Variants in CSMD1 observed in about 807,000 individuals in gnomAD.
The protein encoded by CSMD1 is CUB and Sushi multiple domains 1.
Under a neutral mutation model 417.5 loss-of-function variants are expected in CSMD1, and 213 were observed. That is an observed-to-expected ratio of 0.51 (90% CI 0.46 to 0.57). CSMD1 has a LOEUF of 0.57. Among genes scored for constraint, CSMD1 ranks in the 20% least tolerant of loss-of-function variants. The pLI is 0.00. For missense variants in CSMD1, 6,923 were observed against 4,529.7 expected, an observed-to-expected ratio of 1.53 and a Z score of -15.17; for synonymous variants, 2,862 against 1,736.8, an observed-to-expected ratio of 1.65 and a Z score of -16.11.
chr8:3,773,219 C>G (rs564197605), intron 5 of CSMD1, among the ~76,000 whole-genome samples: 11 of 152,206 alleles, frequency 7.2e-5, no homozygotes, highest in Non-Finnish European at 1.5e-4. Flanking sequence ...CTCACATAAT[C>G]TGTCACCAAA....
At chr8:4,314,924 A>G (rs1332454796) in intron 3 of CSMD1, among the ~76,000 whole-genome samples, 1 of 152,152 alleles carries the variant, frequency 6.6e-6, no homozygotes, top group Non-Finnish European at 1.5e-5. Flanking sequence ...CAGAGATTAT[A>G]CCACAGGAAA....
At chr8:4,297,212 G>C (rs902512645) in intron 3 of CSMD1, among the ~76,000 whole-genome samples, 1 of 152,006 alleles carries the variant, frequency 6.6e-6, no homozygotes, top group African/African-American at 2.4e-5. Context: ...AATCCCTGGA[G>C]AAACTGGGGA....
At chr8:4,681,320 A>G (rs1420555959) in intron 1 of CSMD1, among the ~76,000 whole-genome samples, 1 of 152,116 alleles carries the variant, frequency 6.6e-6, no homozygotes, top group Non-Finnish European at 1.5e-5. Context: ...AGGTAGTACA[A>G]TATCTGATAT....
intron 3 of CSMD1, among the ~76,000 whole-genome samples, chr8:4,171,119 C>G (rs1160858403): frequency 6.6e-6 from 1 of 151,862 alleles, no homozygotes; most frequent in Non-Finnish European, 1.5e-5. Flanking sequence ...CTTCAGCACA[C>G]AAAGGTGAGG....
chr8:3,152,106 T>C (rs1209804949), intron 39 of CSMD1, among the ~76,000 whole-genome samples: 1 of 152,198 alleles, frequency 6.6e-6, no homozygotes, highest in Admixed American at 6.5e-5. Flanking sequence ...GACTGTCAGA[T>C]AGCTTTTCAA....
intron 3 of CSMD1, among the ~76,000 whole-genome samples, chr8:4,291,227 C>T (rs1797342090): frequency 6.6e-6 from 1 of 151,574 alleles, no homozygotes; most frequent in Admixed American, 6.6e-5. Context: ...AAATAATATG[C>T]TTATGATATG....
chr8:3,052,414 G>A (rs1358666094), intron 50 of CSMD1, 48 bp downstream of exon 50: 4 of 1,477,800 alleles, frequency 2.7e-6, no homozygotes. Context: ...AAAGCATTCA[G>A]TTCCCACCTA....
chr8:4,411,705 C>CAT (rs1038852128), intron 3 of CSMD1, among the ~76,000 whole-genome samples: 12 of 152,202 alleles, frequency 7.9e-5, no homozygotes, highest in African/African-American at 2.6e-4. Flanking sequence ...CTCACGAAAG[C>CAT]ATATATATAT....
intron 2 of CSMD1, among the ~76,000 whole-genome samples, chr8:4,565,915 T>G (rs1216429536): frequency 6.6e-5 from 10 of 151,646 alleles, no homozygotes; most frequent in Non-Finnish European, 1.5e-4. Flanking sequence ...ATAATGTTTT[T>G]GTTTCAATGA....
Position 4,157,574 on chromosome 8 carries a change from T to C in CSMD1, c.416-125475A>G, listed in dbSNP as rs561678394. Among the ~76,000 whole-genome samples, 5 of 152,270 alleles carry C rather than the reference T, an allele frequency of 3.3e-5. No homozygotes were observed. In the South Asian group the frequency reaches 6.2e-4, roughly 19 times the overall value. The stretch of plus-strand genomic sequence containing the variant: ...CTGTGTTGTCATTCCCCCGTATTGC[T>C]AAGACCCTCTGCCGGTCATGTAACA... On this transcript the variant is annotated intron_variant, in intron 3 of 69. Coordinates refer to ENST00000635120, the MANE Select transcript of CSMD1 (RefSeq NM_033225.6).
At chr8:4,787,253 A>G in intron 1 of CSMD1, 3 of 546,544 alleles carry the variant, frequency 5.5e-6, no homozygotes, top group Non-Finnish European at 6.8e-6. Flanking sequence ...CCGCCCAGAG[A>G]TGCTCTCTGA....
chr8:4,122,905 C>A (rs1354756828), intron 3 of CSMD1, among the ~76,000 whole-genome samples: 2 of 152,176 alleles, frequency 1.3e-5, no homozygotes, highest in East Asian at 3.9e-4. Flanking sequence ...AGCTACGAGA[C>A]CCTTTAAGGA....
intron 10 of CSMD1, among the ~76,000 whole-genome samples, chr8:3,501,735 A>T (rs1796608943): frequency 6.6e-6 from 1 of 152,198 alleles, no homozygotes; most frequent in South Asian, 2.1e-4. Flanking sequence ...AATTATTAAC[A>T]CGGTTGCAAG....
At chr8:3,321,465 C>G (rs1173430730) in intron 23 of CSMD1, among the ~76,000 whole-genome samples, 1 of 152,044 alleles carries the variant, frequency 6.6e-6, no homozygotes, top group Non-Finnish European at 1.5e-5. Flanking sequence ...CTGTGAATCC[C>G]ACCACAAGTA....
intron 3 of CSMD1, among the ~76,000 whole-genome samples, chr8:4,380,537 G>T (rs559957166): frequency 1.3e-5 from 2 of 152,176 alleles, no homozygotes; most frequent in African/African-American, 4.8e-5. Context: ...GAGACGTGAC[G>T]ACTAAATGCC....
intron 12 of CSMD1, among the ~76,000 whole-genome samples, chr8:3,437,452 G>A (rs1254587462): frequency 1.3e-5 from 2 of 152,282 alleles, no homozygotes; most frequent in Admixed American, 6.5e-5. Context: ...TTTGTAAACA[G>A]AATTCACATT....
intron 5 of CSMD1, among the ~76,000 whole-genome samples, chr8:3,828,001 G>C (rs1802152274): frequency 6.6e-6 from 1 of 152,176 alleles, no homozygotes; most frequent in African/African-American, 2.4e-5. Context: ...ACAACCTCAT[G>C]CATGGCAAGA....
At chr8:3,307,446 A>G (rs956162427) in intron 25 of CSMD1, among the ~76,000 whole-genome samples, 1 of 152,118 alleles carries the variant, frequency 6.6e-6, no homozygotes, top group Non-Finnish European at 1.5e-5. Context: ...TTTGGGGGAT[A>G]GTTTGTTATG....
At chr8:3,956,781 G>C (rs1319131858) in intron 5 of CSMD1, among the ~76,000 whole-genome samples, 2 of 152,116 alleles carry the variant, frequency 1.3e-5, no homozygotes, top group Non-Finnish European at 2.9e-5. Context: ...GCCTCTGGAA[G>C]AATCGATTTA....
Sources: allele counts gnomAD v4.1 joint callset (sites outside exome capture counted in the v4.1 genomes callset), GRCh38; gene constraint gnomAD v4.1.1; transcripts MANE v1.5; gene names NCBI Gene and HGNC (gene_info 2026-07-23, HGNC 2026-07-21).